Variants in ABCA4 observed in about 807,000 individuals in gnomAD.
The protein encoded by ABCA4 is retinal-specific phospholipid-transporting ATPase ABCA4.
ABCA4 carries 196 observed loss-of-function variants against 263.7 expected under a neutral mutation model. The ratio of observed to expected loss-of-function variants is 0.74; its 90% CI spans 0.66 to 0.84. ABCA4 has a LOEUF of 0.84. Ranked by LOEUF, ABCA4 falls within the 40% of genes least tolerant of loss-of-function variation. The pLI is 0.00. For missense variants in ABCA4, 2,792 were observed against 2,855.1 expected, an observed-to-expected ratio of 0.98 and a Z score of 0.50; for synonymous variants, 1,133 against 1,094.2, an observed-to-expected ratio of 1.04 and a Z score of -0.70.
intron 22 of ABCA4, among the ~76,000 whole-genome samples, chr1:94,042,144 A>ATGAGGATT (rs1444226122): frequency 1.3e-5 from 2 of 151,818 alleles, no homozygotes; most frequent in Admixed American, 1.3e-4. Context: ...GAAAATAGCA[A>ATGAGGATT]TGAGGATTTC....
At chr1:94,089,126 T>C (rs1485726433) in intron 6 of ABCA4, among the ~76,000 whole-genome samples, 1 of 152,228 alleles carries the variant, frequency 6.6e-6, no homozygotes, top group Admixed American at 6.5e-5. Flanking sequence ...TGTGTCCATA[T>C]CTATTCAGAT....
chr1:93,996,683 T>C (rs866401387), intron 48 of ABCA4, among the ~76,000 whole-genome samples: 17 of 149,442 alleles, frequency 1.1e-4, no homozygotes, highest in Middle Eastern at 3.4e-3. Context: ...AAGATGTTTA[T>C]TTTTAAAAAA....
At chr1:94,105,129 C>A (rs1239757906) in intron 4 of ABCA4, among the ~76,000 whole-genome samples, 1 of 152,276 alleles carries the variant, frequency 6.6e-6, no homozygotes, top group Non-Finnish European at 1.5e-5. Flanking sequence ...CAGATGCAAG[C>A]CCTTGAAGTC....
At chr1:94,113,924 AG>A (rs1412945404) in intron 1 of ABCA4, among the ~76,000 whole-genome samples, 1 of 152,208 alleles carries the variant, frequency 6.6e-6, no homozygotes, top group African/African-American at 2.4e-5. Context: ...CATTGCACAT[AG>A]GGGTGGGGGT....
At chr1:94,014,429 C>T (rs1659664774) in intron 38 of ABCA4, 114 bp downstream of exon 38, 2 of 1,204,658 alleles carry the variant, frequency 1.7e-6, no homozygotes, top group Non-Finnish European at 2.4e-6. Context: ...AAGAAAGTGG[C>T]ACTCATCCGC....
At position 94,108,565 on chromosome 1, in the gene ABCA4, A is replaced by C; in HGVS notation, c.442+12T>G. 2 of 1,613,264 alleles carry C rather than the reference A, an allele frequency of 1.2e-6. No homozygotes were observed. The highest frequency in any genetic ancestry group is 1.7e-5 in the Admixed American group (1 of 60,014). ...GGGAAATGATGCTTGAGAGCACTGC[A>C]GTCATGCTTACCTGCAATTCTCTCC... On this transcript the variant is annotated intron_variant, in intron 4 of 49. Transcript: ENST00000370225.
chr1:94,064,757 G>C (rs1024221022), intron 11 of ABCA4, among the ~76,000 whole-genome samples: 1 of 152,158 alleles, frequency 6.6e-6, no homozygotes, highest in South Asian at 2.1e-4. Flanking sequence ...GGACCGGACG[G>C]TTTGCCCTGC....
At chr1:94,045,340 A>G (rs61783973) in intron 19 of ABCA4, among the ~76,000 whole-genome samples, 1 of 148,798 alleles carries the variant, frequency 6.7e-6, no homozygotes, top group African/African-American at 2.5e-5. Context: ...TTTTTTTTAA[A>G]TGGGAACTAT....
chr1:94,098,707 C>G (rs959707407), intron 6 of ABCA4, 87 bp downstream of exon 6: 267 of 1,480,348 alleles, frequency 1.8e-4, no homozygotes, highest in Non-Finnish European at 2.3e-4. Context: ...GAACACCAGG[C>G]TCACGCCCTC....
chr1:94,079,399 T>C lies in ABCA4; in HGVS notation c.1162A>G (p.Arg388Gly). ...CCCATCAGCAAAGGCTTTGCCGCCC[T>C]CCAAGCGATTTTGGTTAAAGGATTT... Reference protein sequence around the residue: ...ESNPLTKIAWRAAKPLLMGKI... With the variant: ...ESNPLTKIAWGAAKPLLMGKI... The change falls in exon 9 of 50, where the codon AGG becomes GGG. Residue 388 changes from arginine (R) to glycine (G), a missense_variant. Coordinates refer to ENST00000370225, the MANE Select transcript of ABCA4 (RefSeq NM_000350.3). 6.2e-7 allele frequency: 1 copy of C among 1,614,144 alleles called. No homozygotes were observed. The highest frequency in any genetic ancestry group is 8.5e-7 in the Non-Finnish European group (1 of 1,180,024).
intron 47 of ABCA4, among the ~76,000 whole-genome samples, chr1:93,998,698 T>A (rs923518114): frequency 7.1e-6 from 1 of 141,566 alleles, no homozygotes; most frequent in African/African-American, 2.8e-5. Context: ...AAGGTAGTTT[T>A]ATTTATTTTA....
intron 1 of ABCA4, among the ~76,000 whole-genome samples, chr1:94,119,632 T>G (rs951379034): frequency 2.6e-5 from 4 of 152,148 alleles, no homozygotes; most frequent in African/African-American, 9.7e-5. Flanking sequence ...GCTCCAAGTC[T>G]TAATAATTCC....
intron 4 of ABCA4, among the ~76,000 whole-genome samples, chr1:94,105,652 G>C (rs1662411710): frequency 6.6e-6 from 1 of 151,978 alleles, no homozygotes; most frequent in Admixed American, 6.5e-5. Context: ...AGCTGAGGGT[G>C]GGGGTGGGAG....
At chr1:93,998,905 A>AT (rs11370620) in intron 47 of ABCA4, among the ~76,000 whole-genome samples, 17,347 of 135,586 alleles carry the variant, frequency 0.13, 2,019 homozygotes, top group African/African-American at 0.31. Flanking sequence ...CACTCGGCTA[A>AT]TTTTTTTTTT....
At chr1:94,084,950 C>G (rs1557797727) in intron 6 of ABCA4, among the ~76,000 whole-genome samples, 1 of 152,152 alleles carries the variant, frequency 6.6e-6, no homozygotes, top group African/African-American at 2.4e-5. Context: ...GCCCGTCCTC[C>G]CTCCTGTCTC....
In ABCA4 at chr1:94,083,415, A is replaced by C. The variant is rs1226313525; in HGVS notation, c.795T>G (p.Ser265=). Reference sequence around the variant, plus strand: ...CCCAAGATCTCAGATTGATACCTTGAGAACGGCTGTCTAGGAGTGTGGGAA... The same window carrying C: ...CCCAAGATCTCAGATTGATACCTTGCGAACGGCTGTCTAGGAGTGTGGGAA... ...RVLPTLLDSR[S]QGINLRSWGG... is the part of the protein sequence containing the mutation. Residue 265 remains serine (S), a synonymous_variant, in exon 7 of 50, where the codon TCT becomes TCG. Transcript: ENST00000370225. The C allele has an allele frequency of 1.2e-6, 2 of 1,613,720 alleles. No homozygotes were observed. Among genetic ancestry groups the C allele is most frequent in the East Asian group, 4.5e-5 (2 of 44,880 alleles).
chr1:94,091,818 T>C (rs912110771), intron 6 of ABCA4, among the ~76,000 whole-genome samples: 6 of 152,236 alleles, frequency 3.9e-5, no homozygotes, highest in African/African-American at 1.4e-4. Context: ...CTTGATCCTG[T>C]GCTTAAGAAA....
intron 36 of ABCA4, among the ~76,000 whole-genome samples, chr1:94,016,557 T>G (rs1659752436): frequency 6.6e-6 from 1 of 151,996 alleles, no homozygotes; most frequent in South Asian, 2.1e-4. Flanking sequence ...TTCAGGTGTA[T>G]AGGTCCGGTA....
At chr1:94,026,283 C>A (rs1027411432) in intron 30 of ABCA4, among the ~76,000 whole-genome samples, 1 of 152,188 alleles carries the variant, frequency 6.6e-6, no homozygotes, top group Non-Finnish European at 1.5e-5. Context: ...TTCTCTCTCT[C>A]CTGCCAGGAG....
Sources: gnomAD v4.1 joint callset for allele counts (sites outside exome capture counted in the v4.1 genomes callset) on GRCh38, gnomAD v4.1.1 for gene constraint, MANE v1.5 for transcripts, NCBI Gene and HGNC (gene_info 2026-07-23, HGNC 2026-07-21) for gene names.